The following ICA1L variants were observed in gnomAD, a reference collection of about 807,000 sequenced individuals.
The protein encoded by ICA1L is islet cell autoantigen 1 like, also known as islet cell autoantigen 1-like protein.
ICA1L carries 50 observed loss-of-function variants against 61.3 expected under a neutral mutation model. The ratio of observed to expected loss-of-function variants is 0.82; its 90% CI spans 0.65 to 1.03. The LOEUF (loss-of-function observed/expected upper bound fraction) is 1.03. ICA1L is among the 50% of genes least tolerant of loss of function. The pLI, the probability that ICA1L is intolerant of heterozygous loss-of-function variation, is 0.00. For synonymous variants in ICA1L, 161 were observed against 191.3 expected, an observed-to-expected ratio of 0.84 and a Z score of 1.31; for missense variants, 508 against 556.7, an observed-to-expected ratio of 0.91 and a Z score of 0.88.
intron 1 of ICA1L, among the ~76,000 whole-genome samples, chr2:202,832,663 C>T (rs1559141787): frequency 6.6e-6 from 1 of 151,936 alleles, no homozygotes; most frequent in Non-Finnish European, 1.5e-5. Context: ...CCTGTAATCC[C>T]AGCATTTTGG....
rs958874970 is a variant in ICA1L, at chr2:202,849,430, G to A, written c.-7-20414C>T. 6.6e-6 allele frequency among the ~76,000 whole-genome samples: 1 copy of A among 152,192 alleles called. No individual in the cohort carries two copies. The highest frequency in any genetic ancestry group is 2.4e-5 in the African/African-American group (1 of 41,448). ...CAGCAGTCTGAAGTTGATCTGGGAC[G>A]ATCAAGCTTGGTGGGGGCAGGGGCA... On this transcript the variant is annotated intron_variant, in intron 1 of 12. Transcript: ENST00000358299. The surrounding 1 kb of genome is among the most constrained non-coding windows in gnomAD (Gnocchi z 4.5).
intron 1 of ICA1L, among the ~76,000 whole-genome samples, chr2:202,838,447 C>G (rs1236624014): frequency 6.6e-6 from 1 of 152,108 alleles, no homozygotes; most frequent in Non-Finnish European, 1.5e-5. Flanking sequence ...TCCATTTGGT[C>G]TAAAATGTAG....
intron 12 of ICA1L, among the ~76,000 whole-genome samples, chr2:202,784,743 T>A (rs1191796768): frequency 6.6e-6 from 1 of 152,150 alleles, no homozygotes; most frequent in African/African-American, 2.4e-5. Context: ...CTGCATTATT[T>A]CAGTTGTATG....
Position 202,849,337 on chromosome 2 carries a change from C to T in ICA1L, c.-7-20321G>A, listed in dbSNP as rs1222425528. Among the ~76,000 whole-genome samples the T allele has an allele frequency of 1.3e-5, 2 of 152,216 alleles. No individual in the cohort carries two copies. Among genetic ancestry groups the T allele is most frequent in the African/African-American group, 2.4e-5 (1 of 41,472 alleles). Reference sequence around the variant, plus strand: ...GGCCAGGGAGCCAAGTGGTCTCGCTCAGTGGGTCCCACTCCCACAGAGCCC... The same window carrying T: ...GGCCAGGGAGCCAAGTGGTCTCGCTTAGTGGGTCCCACTCCCACAGAGCCC... On this transcript the variant is annotated intron_variant, in intron 1 of 12. Transcript: ENST00000358299. This position sits in a 1 kb window ranked among gnomAD's most constrained non-coding sequence, Gnocchi z 4.5.
chr2:202,806,906 C>T (rs1013013075), intron 9 of ICA1L, among the ~76,000 whole-genome samples: 3 of 152,022 alleles, frequency 2.0e-5, no homozygotes, highest in African/African-American at 7.2e-5. Flanking sequence ...AAATATATGT[C>T]GACTGTATAT....
intron 1 of ICA1L, chr2:202,841,534 C>G: frequency 1.4e-6 from 1 of 722,822 alleles, no homozygotes. Flanking sequence ...TGGGTTCCAC[C>G]TCCAGGTTAA....
At chr2:202,782,335 A>G (rs1323761019) in intron 12 of ICA1L, among the ~76,000 whole-genome samples, 1 of 151,696 alleles carries the variant, frequency 6.6e-6, no homozygotes, top group Non-Finnish European at 1.5e-5. Flanking sequence ...AGAGAGCACA[A>G]CTCTGTCTCA....
chr2:202,862,761 C>G (rs148047531), intron 1 of ICA1L, among the ~76,000 whole-genome samples: 3,255 of 151,494 alleles, frequency 0.021, 124 homozygotes, highest in African/African-American at 0.075. Flanking sequence ...CTCTTGAACC[C>G]GAGAGGCAGA....
In ICA1L at chr2:202,811,743, T is replaced by A. The variant is rs772124304; in HGVS notation, c.910+3A>T. The stretch of plus-strand genomic sequence containing the variant: ...TTTCAAAGTAATAAATTTACCATCT[T>A]ACCTTGTTCACTCTCAAAGCTTGCT... On this transcript the variant is annotated splice_donor_region_variant and intron_variant, in intron 9 of 12. Transcript: ENST00000358299. 2 of 1,593,204 alleles carry A rather than the reference T, an allele frequency of 1.3e-6. No individual in the cohort carries two copies. Among genetic ancestry groups the A allele is most frequent in the South Asian group, 2.2e-5 (2 of 90,064 alleles).
intron 1 of ICA1L, among the ~76,000 whole-genome samples, chr2:202,853,000 T>A (rs1694672205): frequency 6.6e-6 from 1 of 151,906 alleles, no homozygotes; most frequent in African/African-American, 2.4e-5. Flanking sequence ...GCTAGCCATA[T>A]ATAGAAAGCT....
At chr2:202,833,577 C>T (rs75324925) in intron 1 of ICA1L, among the ~76,000 whole-genome samples, 13,686 of 151,634 alleles carry the variant, frequency 0.09, 753 homozygotes, top group Non-Finnish European at 0.12. Flanking sequence ...AGAGTGACAG[C>T]CTGTCTCTAA....
rs1168682555 is a variant in ICA1L, at chr2:202,820,245, G to A, written c.360-346C>T. On this transcript the variant is annotated intron_variant, in intron 4 of 12. Coordinates refer to ENST00000358299, the MANE Select transcript of ICA1L (RefSeq NM_001288622.3). ...AAAAAATTAGCCAGGTGTGATGGTG[G>A]GTGCCTGTAATCCCAGCTACTCGGG... is the stretch of plus-strand genomic sequence containing the variant. Among the ~76,000 whole-genome samples the A allele has an allele frequency of 2.6e-5, 4 of 151,952 alleles. No individual in the cohort carries two copies. In the East Asian group the frequency reaches 5.8e-4, roughly 22 times the overall value.
intron 1 of ICA1L, chr2:202,841,040 G>T: frequency 3.0e-6 from 2 of 657,614 alleles, no homozygotes; most frequent in Non-Finnish European, 2.9e-6. Flanking sequence ...TGTTGTTCAT[G>T]CACAGCACCA....
intron 2 of ICA1L, among the ~76,000 whole-genome samples, chr2:202,827,626 T>C (rs1394583210): frequency 1.3e-5 from 2 of 152,180 alleles, no homozygotes; most frequent in Admixed American, 1.3e-4. Context: ...GACCTAACAA[T>C]GTAAAACAAT....
chr2:202,819,416 C>T (rs193132723), intron 5 of ICA1L, among the ~76,000 whole-genome samples: 2 of 152,006 alleles, frequency 1.3e-5, no homozygotes, highest in South Asian at 2.1e-4. Context: ...TTCCTGCAAA[C>T]GAATCTCAAA....
chr2:202,828,874 C>G lies in ICA1L; in HGVS notation c.136G>C (p.Asp46His). The change falls in exon 2 of 13, where the codon GAT becomes CAT. Residue 46 changes from aspartate (D) to histidine (H), a missense_variant. Asp to His is a moderately conservative substitution (Grantham distance 81). Transcript: ENST00000358299. ...TCAAGTTTAGCATCCAGTTCAGCAT[C>G]AGACGCCACCAAGTGCTCATCCTCT... Reference protein sequence around the residue: ...KKEDEHLVASDAELDAKLEVF... With the variant: ...KKEDEHLVASHAELDAKLEVF... 1.2e-6 allele frequency: 2 copies of G among 1,614,068 alleles called. No individual in the cohort carries two copies. The highest frequency in any genetic ancestry group is 2.2e-5 in the South Asian group (2 of 91,078).
chr2:202,819,709 A>G lies in ICA1L; in HGVS notation c.550T>C (p.Phe184Leu), dbSNP rs1433387668. The G allele has an allele frequency of 6.2e-7, 1 of 1,613,178 alleles. No individual in the cohort carries two copies. The highest frequency in any genetic ancestry group is 1.1e-5 in the South Asian group (1 of 91,056). ...DPDTLKQMEK[F>L]RKVQMQVRNS... ...GGGATACGTTTTCATACTTTTCTAA[A>G]CTTTTCCATTTGCTTTAAGGTGTCT... Residue 184 changes from phenylalanine to leucine, a missense_variant, in exon 5 of 13, where the codon TTT (phenylalanine) becomes CTT (leucine). Physicochemically the swap from Phe to Leu is conservative, Grantham distance 22. Coordinates refer to ENST00000358299, the MANE Select transcript of ICA1L (RefSeq NM_001288622.3).
At chr2:202,805,559 G>GACA (rs1165555391) in intron 9 of ICA1L, among the ~76,000 whole-genome samples, 11 of 151,640 alleles carry the variant, frequency 7.3e-5, no homozygotes, top group South Asian at 2.1e-4. Context: ...AACAAAGCAA[G>GACA]ACAACAACAA....
At chr2:202,805,913 C>T (rs932118591) in intron 9 of ICA1L, among the ~76,000 whole-genome samples, 5 of 152,182 alleles carry the variant, frequency 3.3e-5, no homozygotes, top group East Asian at 3.8e-4. Flanking sequence ...TAGGATCATA[C>T]GCAAATGTAA....
Sources: gnomAD v4.1 joint callset for allele counts (sites outside exome capture counted in the v4.1 genomes callset) on GRCh38, gnomAD v4.1.1 for gene constraint, Gnocchi (gnomAD v3.1) non-coding constraint, MANE v1.5 for transcripts, NCBI Gene and HGNC (gene_info 2026-07-23, HGNC 2026-07-21) for gene names.